PIGK: variants seen among roughly 807,000 people sequenced by gnomAD.
PIGK encodes the protein GPI-anchor transamidase.
Under a neutral mutation model 50.6 loss-of-function variants are expected in PIGK, and 42 were observed. The observed-to-expected ratio is 0.83, with a 90% CI of 0.65 to 1.07. The LOEUF (loss-of-function observed/expected upper bound fraction) is 1.07, where lower values mean the gene tolerates loss of function less well. PIGK is among the 50% of genes least tolerant of loss of function. The pLI is 0.00. For missense variants in PIGK, 448 were observed against 488.7 expected, an observed-to-expected ratio of 0.92 and a Z score of 0.78; for synonymous variants, 151 against 156.0, an observed-to-expected ratio of 0.97 and a Z score of 0.24.
chr1:77,164,683 C>T (rs1655198195), intron 5 of PIGK, among the ~76,000 whole-genome samples: 1 of 151,842 alleles, frequency 6.6e-6, no homozygotes, highest in Admixed American at 6.6e-5. Context: ...TGTGGTAGGG[C>T]AGATCGCTTA....
rs1267870375 is a variant in PIGK, at chr1:77,219,346, G to A, written c.57C>T (p.Leu19=). ...RAATVLATVL[L]LSFGSVAASH... ...TAGCGGCCACGCTGCCGAAGGACAAGAGCAACACAGTTGCCAAGACAGTCG... is the reference window on the plus strand; with the variant it reads ...TAGCGGCCACGCTGCCGAAGGACAAAAGCAACACAGTTGCCAAGACAGTCG... Residue 19 remains leucine (L), a synonymous_variant, in exon 1 of 11, where the codon CTC becomes CTT. Coordinates refer to ENST00000370812, the MANE Select transcript of PIGK (RefSeq NM_005482.3). 91 of 1,613,680 alleles carry A rather than the reference G, an allele frequency of 5.6e-5. No homozygotes were observed. Among genetic ancestry groups the A allele is most frequent in the Non-Finnish European group, 7.6e-5 (90 of 1,179,838 alleles).
In PIGK at chr1:77,154,687, C is replaced by A. The variant is rs554768086; in HGVS notation, c.814-66G>T. The A allele has an allele frequency of 1.1e-5, 11 of 1,000,400 alleles. No homozygotes were observed. The African/African-American group carries it at 1.1e-4, about 10-fold the overall frequency. The allele number at this position is 1,000,400 out of a possible 1,614,324, so 62.0% of individuals were successfully genotyped here. ...ATACCACATTTATTAAATCCAATCA[C>A]ATAATTCACTAAACTATAGTGTATT... On this transcript the variant is annotated intron_variant, in intron 8 of 10. Coordinates refer to ENST00000370812, the MANE Select transcript of PIGK (RefSeq NM_005482.3).
Position 77,089,689 on chromosome 1 carries a change from A to T in PIGK, c.*2685T>A, listed in dbSNP as rs191745435. On this transcript the variant is annotated 3_prime_UTR_variant, in exon 11 of 11. Coordinates refer to ENST00000370812, the MANE Select transcript of PIGK (RefSeq NM_005482.3). ...GAATATATAAAAATCAAAACCATAA[A>T]TGCATGGATTATTTTTTGCATTTAA... 159 of 152,786 alleles carry T rather than the reference A, an allele frequency of 1.0e-3. 1 individual carries two copies. Among genetic ancestry groups the T allele is most frequent in the African/African-American group, 3.6e-3 (150 of 41,586 alleles). 9.5% of individuals were successfully genotyped at this position (152,786 alleles called of 1,614,324 possible). A position where few individuals can be genotyped will look rare whatever the true frequency, so the allele number is the denominator to read the frequency against.
chr1:77,108,346 T>C lies in PIGK; in HGVS notation c.1071+13929A>G, dbSNP rs577699145. 4.4e-3 allele frequency among the ~76,000 whole-genome samples: 669 copies of C among 152,326 alleles called. 5 individuals are homozygous for C. Among genetic ancestry groups the C allele is most frequent in the African/African-American group, 0.016 (647 of 41,572 alleles). On this transcript the variant is annotated intron_variant, in intron 10 of 10. Transcript: ENST00000370812. ...AAGGATTTTATATCTCCTTCACTTATGAAGCTTAGTTTGGCTGCATATGAA... is the reference window on the plus strand; with the variant it reads ...AAGGATTTTATATCTCCTTCACTTACGAAGCTTAGTTTGGCTGCATATGAA...
intron 9 of PIGK, among the ~76,000 whole-genome samples, chr1:77,139,037 G>A (rs959547155): frequency 1.3e-5 from 2 of 151,998 alleles, no homozygotes; most frequent in East Asian, 3.9e-4. Flanking sequence ...TCTGATTGAG[G>A]GTAAAGCCTT....
intron 8 of PIGK, among the ~76,000 whole-genome samples, chr1:77,156,536 T>C (rs1655012288): frequency 1.3e-5 from 2 of 152,214 alleles, no homozygotes; most frequent in South Asian, 4.1e-4. Context: ...AACTTCTGTG[T>C]ATCTGCACAT....
chr1:77,092,405 T>C lies in PIGK; in HGVS notation c.1157A>G (p.Tyr386Cys). 6.3e-7 allele frequency: 1 copy of C among 1,598,014 alleles called. No homozygotes were observed. Among genetic ancestry groups the C allele is most frequent in the Non-Finnish European group, 8.6e-7 (1 of 1,168,068 alleles). Residue 386 changes from tyrosine (Y) to cysteine (C), a missense_variant, in exon 11 of 11, where the codon TAT becomes TGT. Tyr to Cys is a radical substitution (Grantham distance 194). Coordinates refer to ENST00000370812, the MANE Select transcript of PIGK (RefSeq NM_005482.3). ...AATGAACTTCATATGCTTAATTCCATAAGTTTTGAAGAAAACCATGATAAT... is the reference window on the plus strand; with the variant it reads ...AATGAACTTCATATGCTTAATTCCACAAGTTTTGAAGAAAACCATGATAAT... ...ALIIMVFFKT[Y>C]GIKHMKFIF
Position 77,169,394 on chromosome 1 carries a change from G to A in PIGK, c.241C>T (p.His81Tyr), listed in dbSNP as rs760363739. Residue 81 changes from histidine (H) to tyrosine (Y), a missense_variant and splice_region_variant, in exon 4 of 11, where the codon CAC becomes TAC. By Grantham distance (83) the His-to-Tyr change is moderately conservative. Coordinates refer to ENST00000370812, the MANE Select transcript of PIGK (RefSeq NM_005482.3). ...SVKRLGIPDS[H>Y]IVLMLADDMA... is the part of the protein sequence containing the mutation. ...TCATCTGCAAGCATTAGGACAATGTGACTAGGGAAAAAAAATCCAGTAAAT... is the reference window on the plus strand; with the variant it reads ...TCATCTGCAAGCATTAGGACAATGTAACTAGGGAAAAAAAATCCAGTAAAT... 4.4e-6 allele frequency: 7 copies of A among 1,576,840 alleles called. No individual in the cohort carries two copies. The Admixed American group carries it at 1.4e-4, about 31-fold the overall frequency.
rs145408394 is a variant in PIGK, at chr1:77,108,030, T to G, written c.1071+14245A>C. ...CTGAATACAGCACACTGATGGCTCT[T>G]GACTCTTTATCCAATTTGCCAGTCT... On this transcript the variant is annotated intron_variant, in intron 10 of 10. Transcript: ENST00000370812. Among the ~76,000 whole-genome samples, 989 of 152,300 alleles carry G rather than the reference T, an allele frequency of 6.5e-3. 11 individuals carry two copies. The highest frequency in any genetic ancestry group is 0.023 in the African/African-American group (941 of 41,560).
At chr1:77,138,166 T>C (rs974836299) in intron 9 of PIGK, among the ~76,000 whole-genome samples, 2 of 152,226 alleles carry the variant, frequency 1.3e-5, no homozygotes, top group East Asian at 1.9e-4. Flanking sequence ...TGAGGGAATT[T>C]TGCAAATATA....
At chr1:77,126,852 G>A (rs572098768) in intron 9 of PIGK, among the ~76,000 whole-genome samples, 48 of 152,174 alleles carry the variant, frequency 3.2e-4, no homozygotes, top group African/African-American at 1.2e-3. Context: ...TCATCCAAGT[G>A]TTCCTTTTAC....
intron 10 of PIGK, among the ~76,000 whole-genome samples, chr1:77,093,201 T>C (rs1653337078): frequency 6.6e-6 from 1 of 152,076 alleles, no homozygotes; most frequent in South Asian, 2.1e-4. Context: ...TATATTTATC[T>C]TTATCATTTA....
At chr1:77,178,873 C>T (rs981320972) in intron 3 of PIGK, among the ~76,000 whole-genome samples, 1 of 152,160 alleles carries the variant, frequency 6.6e-6, no homozygotes, top group Middle Eastern at 3.2e-3. Context: ...CATGCTGAGA[C>T]CAGAAACCCA....
At chr1:77,208,934 GTTAA>G (rs1381379415) in intron 2 of PIGK, among the ~76,000 whole-genome samples, 4 of 152,122 alleles carry the variant, frequency 2.6e-5, no homozygotes, top group African/African-American at 4.8e-5. Flanking sequence ...GCGTCAGTAA[GTTAA>G]TTATAGTCTT....
intron 9 of PIGK, among the ~76,000 whole-genome samples, chr1:77,145,835 A>G (rs528206663): frequency 1.1e-4 from 17 of 152,274 alleles, no homozygotes; most frequent in African/African-American, 3.8e-4. Context: ...TAATAGTGGT[A>G]TAAAGATAGA....
chr1:77,108,186 G>A (rs946110910), intron 10 of PIGK, among the ~76,000 whole-genome samples: 15 of 152,126 alleles, frequency 9.9e-5, no homozygotes, highest in Non-Finnish European at 1.6e-4. Flanking sequence ...TCTTAGCATC[G>A]ATGGTCTTTA....
chr1:77,120,545 C>T (rs902682654), intron 10 of PIGK, among the ~76,000 whole-genome samples: 2 of 152,114 alleles, frequency 1.3e-5, no homozygotes, highest in East Asian at 3.9e-4. Flanking sequence ...AAATAACGGA[C>T]TTATCAGTTA....
intron 3 of PIGK, among the ~76,000 whole-genome samples, chr1:77,192,904 G>A (rs1177918578): frequency 6.6e-6 from 1 of 152,060 alleles, no homozygotes; most frequent in Non-Finnish European, 1.5e-5. Context: ...GTGAAAAGTT[G>A]ACAGGTTCTG....
intron 10 of PIGK, among the ~76,000 whole-genome samples, chr1:77,105,444 C>A (rs1194457218): frequency 1.3e-5 from 2 of 151,850 alleles, no homozygotes; most frequent in Admixed American, 6.6e-5. Context: ...GGACCCACCC[C>A]TATCTGCCTA....
Sources: gnomAD v4.1 joint callset for allele counts (sites outside exome capture counted in the v4.1 genomes callset) on GRCh38, gnomAD v4.1.1 for gene constraint, MANE v1.5 for transcripts, NCBI Gene and HGNC (gene_info 2026-07-23, HGNC 2026-07-21) for gene names.